The following MGAT4C variants were observed in gnomAD, a reference collection of about 807,000 sequenced individuals.
MGAT4C encodes the protein alpha-1,3-mannosyl-glycoprotein 4-beta-N-acetylglucosaminyltransferase C.
MGAT4C carries 19 observed loss-of-function variants against 40.1 expected under a neutral mutation model. The ratio of observed to expected loss-of-function variants is 0.47; its 90% CI spans 0.33 to 0.70. The LOEUF is 0.70. Ranked by LOEUF, MGAT4C falls within the 30% of genes least tolerant of loss-of-function variation. The pLI is 0.02. For missense variants in MGAT4C, 491 were observed against 563.2 expected, an observed-to-expected ratio of 0.87 and a Z score of 1.30; for synonymous variants, 181 against 187.1, an observed-to-expected ratio of 0.97 and a Z score of 0.27.
rs542515401 is a variant in MGAT4C, at chr12:86,641,730, C to A, written c.-229+85479G>T. Among the ~76,000 whole-genome samples, 3 of 151,592 alleles carry A rather than the reference C, an allele frequency of 2.0e-5. No individual in the cohort carries two copies. In the South Asian group the frequency reaches 6.2e-4, roughly 31 times the overall value. On this transcript the variant is annotated intron_variant, in intron 2 of 7. Coordinates refer to the MGAT4C transcript ENST00000548651. ...GGATTGTGTGATAACAGCAAATTAA[C>A]AGAGAACATCTGATGAAAGCAAAGG...
intron 1 of MGAT4C, among the ~76,000 whole-genome samples, chr12:86,109,453 T>A (rs925703255): frequency 6.6e-6 from 1 of 152,140 alleles, no homozygotes; most frequent in African/African-American, 2.4e-5. Context: ...GAAGATATTC[T>A]TATCAATGCT....
chr12:86,622,769 C>T (rs1002446707), intron 2 of MGAT4C, among the ~76,000 whole-genome samples: 2 of 151,666 alleles, frequency 1.3e-5, no homozygotes, highest in Non-Finnish European at 2.9e-5. Context: ...TCTAGAAATT[C>T]AAGAAAGCAA....
At chr12:86,500,911 C>T (rs906920635) in intron 2 of MGAT4C, among the ~76,000 whole-genome samples, 1 of 151,942 alleles carries the variant, frequency 6.6e-6, no homozygotes, top group Non-Finnish European at 1.5e-5. Context: ...CTTAGTTTAT[C>T]ATGTGAAAAG....
At chr12:86,055,243 A>T (rs1444955126) in intron 1 of MGAT4C, among the ~76,000 whole-genome samples, 1 of 152,098 alleles carries the variant, frequency 6.6e-6, no homozygotes, top group Non-Finnish European at 1.5e-5. Flanking sequence ...TCATAAATTT[A>T]CATAAAGCAC....
intron 3 of MGAT4C, among the ~76,000 whole-genome samples, chr12:86,396,790 C>A (rs906392064): frequency 2.0e-5 from 3 of 152,080 alleles, no homozygotes; most frequent in Admixed American, 6.5e-5. Flanking sequence ...GAAAAAAGCA[C>A]ATCTGTAGCT....
rs549770253 is a variant in MGAT4C at position 86,249,149 on chromosome 12, T to C, written c.-57+7090A>G. On this transcript the variant is annotated intron_variant, in intron 1 of 4. Transcript: ENST00000611864. ...GATTTTCCCACTGACCCCAGCCCAA[T>C]AGTAAAGCATTTTGTCATTCAGCAT... 1.2e-4 allele frequency among the ~76,000 whole-genome samples: 19 copies of C among 152,248 alleles called. No individual in the cohort carries two copies. In the South Asian group the frequency reaches 3.5e-3, roughly 28 times the overall value.
chr12:86,183,909 T>C (rs1464674750), intron 1 of MGAT4C, among the ~76,000 whole-genome samples: 2 of 152,150 alleles, frequency 1.3e-5, no homozygotes, highest in Non-Finnish European at 2.9e-5. Flanking sequence ...GGCTTCAACA[T>C]ATTATTTGGG....
chr12:86,384,482 C>A (rs1423715456), intron 3 of MGAT4C, among the ~76,000 whole-genome samples: 1 of 152,034 alleles, frequency 6.6e-6, no homozygotes, highest in East Asian at 1.9e-4. Context: ...TGATCCCAGC[C>A]CCAGTAAGGC....
At chr12:86,517,829 T>C (rs1407123392) in intron 2 of MGAT4C, among the ~76,000 whole-genome samples, 1 of 152,072 alleles carries the variant, frequency 6.6e-6, no homozygotes, top group African/African-American at 2.4e-5. Flanking sequence ...TTTTGTATTT[T>C]TAGTAGTAAC....
At chr12:86,333,004 C>T (rs1954706506) in intron 4 of MGAT4C, among the ~76,000 whole-genome samples, 1 of 152,082 alleles carries the variant, frequency 6.6e-6, no homozygotes, top group South Asian at 2.1e-4. Context: ...ATACATCATC[C>T]AATAGCATGA....
intron 2 of MGAT4C, among the ~76,000 whole-genome samples, chr12:86,663,353 C>CAAAAAGAAA (rs1964024981): frequency 2.2e-5 from 1 of 44,804 alleles, no homozygotes; most frequent in African/African-American, 8.5e-5. Context: ...TCCTCTGTCT[C>CAAAAAGAAA]AAAAAAAAAA....
chr12:86,199,919 T>C (rs1052795379), intron 1 of MGAT4C, among the ~76,000 whole-genome samples: 1 of 152,078 alleles, frequency 6.6e-6, no homozygotes, highest in Admixed American at 6.6e-5. Context: ...CTTAAGTGTA[T>C]ATTAAGATGA....
rs114785979 is a variant in MGAT4C, at chr12:86,628,991, C to T, written c.-229+98218G>A. Among the ~76,000 whole-genome samples, 616 of 151,292 alleles carry T rather than the reference C, an allele frequency of 4.1e-3. 3 individuals carry two copies. Among genetic ancestry groups the T allele is most frequent in the African/African-American group, 0.014 (590 of 41,354 alleles). On this transcript the variant is annotated intron_variant, in intron 2 of 7. Coordinates refer to the MGAT4C transcript ENST00000548651. ...TGAAGACCCATCAGCGCTATTAGTG[C>T]GCTGTATTCAGGAGACCCATTTCAT...
intron 2 of MGAT4C, among the ~76,000 whole-genome samples, chr12:86,553,238 G>T (rs1959451085): frequency 6.6e-6 from 1 of 152,040 alleles, no homozygotes; most frequent in African/African-American, 2.4e-5. Context: ...AATTCTAATT[G>T]TTGCTGGCTT....
At chr12:86,263,326 A>G (rs769966589) in intron 4 of MGAT4C, among the ~76,000 whole-genome samples, 14 of 152,034 alleles carry the variant, frequency 9.2e-5, no homozygotes, top group Non-Finnish European at 1.8e-4. Context: ...CACCCACTCT[A>G]TCTCATCCTG....
At chr12:86,689,375 T>C (rs1950133555) in intron 2 of MGAT4C, among the ~76,000 whole-genome samples, 1 of 152,154 alleles carries the variant, frequency 6.6e-6, no homozygotes, top group Non-Finnish European at 1.5e-5. Flanking sequence ...CATCCAGTTT[T>C]TTTCCCTGGC....
At chr12:86,306,263 A>T (rs1402927153) in intron 4 of MGAT4C, among the ~76,000 whole-genome samples, 1 of 150,574 alleles carries the variant, frequency 6.6e-6, no homozygotes, top group African/African-American at 2.5e-5. Context: ...CAAGAAAGTT[A>T]ATAGCAGATT....
intron 4 of MGAT4C, among the ~76,000 whole-genome samples, chr12:86,327,007 T>G (rs1362053583): frequency 6.6e-6 from 1 of 152,164 alleles, no homozygotes; most frequent in Non-Finnish European, 1.5e-5. Context: ...CATCCACCCT[T>G]TCTAAAACTT....
intron 2 of MGAT4C, among the ~76,000 whole-genome samples, chr12:86,611,211 T>C (rs1175256017): frequency 6.6e-6 from 1 of 152,094 alleles, no homozygotes; most frequent in Non-Finnish European, 1.5e-5. Flanking sequence ...AGAAATGGTG[T>C]TAATTGAAAC....
Sources: gnomAD v4.1 joint callset for allele counts (sites outside exome capture counted in the v4.1 genomes callset) on GRCh38, gnomAD v4.1.1 for gene constraint, MANE v1.5 for transcripts, NCBI Gene and HGNC (gene_info 2026-07-23, HGNC 2026-07-21) for gene names.